The following RRAS2 variants were observed in gnomAD, a reference collection of about 807,000 sequenced individuals.
The protein encoded by RRAS2 is ras-related protein R-Ras2.
RRAS2 carries 7 observed loss-of-function variants against 27.6 expected under a neutral mutation model. The ratio of observed to expected loss-of-function variants is 0.25; its 90% CI spans 0.14 to 0.48. The LOEUF (loss-of-function observed/expected upper bound fraction) is 0.48, where lower values mean the gene tolerates loss of function less well. Ranked by LOEUF, RRAS2 falls within the 20% of genes least tolerant of loss-of-function variation. The pLI is 0.99. For missense variants in RRAS2, 178 were observed against 256.2 expected, an observed-to-expected ratio of 0.69 and a Z score of 2.08; for synonymous variants, 86 against 90.9, an observed-to-expected ratio of 0.95 and a Z score of 0.31.
intron 1 of RRAS2, among the ~76,000 whole-genome samples, chr11:14,323,633 T>C (rs1463370126): frequency 6.6e-6 from 1 of 152,072 alleles, no homozygotes; most frequent in African/African-American, 2.4e-5. Context: ...ATCACACAAA[T>C]TCTTCCAGAG....
chr11:14,315,321 A>T (rs1173486303), intron 1 of RRAS2, among the ~76,000 whole-genome samples: 2 of 152,140 alleles, frequency 1.3e-5, no homozygotes, highest in Admixed American at 1.3e-4. Context: ...ACGGTACTTC[A>T]CCTCTGTGGT....
intron 1 of RRAS2, among the ~76,000 whole-genome samples, chr11:14,317,727 T>TC (rs1303599246): frequency 6.6e-6 from 1 of 152,162 alleles, no homozygotes; most frequent in African/African-American, 2.4e-5. Context: ...TACTAGTTTT[T>TC]CCTCTTGATC....
At chr11:14,344,807 A>C (rs1848794099) in intron 1 of RRAS2, among the ~76,000 whole-genome samples, 1 of 152,188 alleles carries the variant, frequency 6.6e-6, no homozygotes, top group South Asian at 2.1e-4. Flanking sequence ...GCTACGGATC[A>C]ACTTCTAAAA....
intron 1 of RRAS2, among the ~76,000 whole-genome samples, chr11:14,349,832 T>C (rs1848913911): frequency 6.6e-6 from 1 of 152,240 alleles, no homozygotes; most frequent in African/African-American, 2.4e-5. Context: ...AAGTTACTCA[T>C]TTGAAATACG....
At chr11:14,305,969 C>T (rs1193293487) in intron 1 of RRAS2, among the ~76,000 whole-genome samples, 1 of 152,106 alleles carries the variant, frequency 6.6e-6, no homozygotes, top group African/African-American at 2.4e-5. Flanking sequence ...CACTTGAGCC[C>T]AGGAGTTAGA....
intron 1 of RRAS2, among the ~76,000 whole-genome samples, chr11:14,321,335 C>T (rs1418677050): frequency 6.6e-6 from 1 of 152,140 alleles, no homozygotes; most frequent in African/African-American, 2.4e-5. Context: ...GGTGGTGGGA[C>T]AGGGAAGGGA....
In RRAS2 at chr11:14,287,284, A is replaced by G. The variant is rs556938467; in HGVS notation, c.409-5564T>C. Among the ~76,000 whole-genome samples the G allele has an allele frequency of 1.9e-4, 29 of 152,348 alleles. No individual in the cohort carries two copies. The East Asian group carries it at 5.6e-3, about 29-fold the overall frequency. ...CTTTGTACATCCAAAGCTTAGAAGC[A>G]TGCTTAGCAGCTAAAAAAGTAAACA... On this transcript the variant is annotated intron_variant, in intron 4 of 5. Coordinates refer to ENST00000256196, the MANE Select transcript of RRAS2 (RefSeq NM_012250.6).
At chr11:14,303,561 A>AC (rs1175891306) in intron 1 of RRAS2, among the ~76,000 whole-genome samples, 17 of 151,790 alleles carry the variant, frequency 1.1e-4, no homozygotes, top group East Asian at 3.9e-4. Context: ...ACAGAGAGAG[A>AC]CCCCCATCTC....
chr11:14,315,136 T>C (rs1554949328), intron 1 of RRAS2, among the ~76,000 whole-genome samples: 1 of 152,228 alleles, frequency 6.6e-6, no homozygotes, highest in East Asian at 1.9e-4. Flanking sequence ...TCCGTAAGTG[T>C]GAGCTGCACA....
intron 1 of RRAS2, among the ~76,000 whole-genome samples, chr11:14,332,145 T>C (rs1245601769): frequency 6.6e-6 from 1 of 152,264 alleles, no homozygotes; most frequent in African/African-American, 2.4e-5. Flanking sequence ...CCACTTACCA[T>C]ACGACCCAAT....
At chr11:14,303,988 G>A (rs1847773046) in intron 1 of RRAS2, among the ~76,000 whole-genome samples, 1 of 152,030 alleles carries the variant, frequency 6.6e-6, no homozygotes, top group African/African-American at 2.4e-5. Flanking sequence ...CTTCCTCCTG[G>A]TTCATGTCAC....
intron 1 of RRAS2, chr11:14,337,018 C>G (rs967706379): frequency 6.6e-6 from 1 of 152,152 alleles, no homozygotes; most frequent in African/African-American, 2.4e-5. Flanking sequence ...AGAAAAACAG[C>G]AGATTTCTCA....
At chr11:14,295,579 T>A (rs558676104) in intron 2 of RRAS2, among the ~76,000 whole-genome samples, 189 bp downstream of exon 2, 1 of 152,348 alleles carries the variant, frequency 6.6e-6, no homozygotes, top group East Asian at 1.9e-4. Flanking sequence ...ATCGTTTTAC[T>A]TTTCATTTAT....
chr11:14,356,665 A>G, intron 1 of RRAS2: 2 of 410,628 alleles, frequency 4.9e-6, no homozygotes, highest in Non-Finnish European at 9.4e-6. Flanking sequence ...TTATGTACAC[A>G]TATGTCTTCC....
At chr11:14,348,997 G>A (rs1312377422) in intron 1 of RRAS2, among the ~76,000 whole-genome samples, 3 of 151,984 alleles carry the variant, frequency 2.0e-5, no homozygotes, top group Non-Finnish European at 2.9e-5. Context: ...ATAGAGTCTC[G>A]CTCTGTTGCC....
At chr11:14,283,698 G>C (rs1849598927) in intron 4 of RRAS2, among the ~76,000 whole-genome samples, 1 of 152,002 alleles carries the variant, frequency 6.6e-6, no homozygotes, top group Non-Finnish European at 1.5e-5. Context: ...TTGGCATAAA[G>C]TTGTTTATAG....
At chr11:14,345,058 G>A (rs966941952) in intron 1 of RRAS2, among the ~76,000 whole-genome samples, 6 of 138,950 alleles carry the variant, frequency 4.3e-5, no homozygotes, top group Admixed American at 8.2e-5. Flanking sequence ...TGTGATCTCA[G>A]CTCACTGCAA....
At chr11:14,324,181 A>G (rs1383975539) in intron 1 of RRAS2, among the ~76,000 whole-genome samples, 2 of 152,036 alleles carry the variant, frequency 1.3e-5, no homozygotes, top group African/African-American at 4.8e-5. Flanking sequence ...AATATACATA[A>G]TAATTATTGG....
chr11:14,344,197 T>A (rs1848781054), intron 1 of RRAS2, among the ~76,000 whole-genome samples: 1 of 152,130 alleles, frequency 6.6e-6, no homozygotes, highest in South Asian at 2.1e-4. Flanking sequence ...GGCATGGAAA[T>A]TCCATGCCAT....
Sources: allele counts gnomAD v4.1 joint callset (sites outside exome capture counted in the v4.1 genomes callset), GRCh38; gene constraint gnomAD v4.1.1; transcripts MANE v1.5; gene names NCBI Gene and HGNC (gene_info 2026-07-23, HGNC 2026-07-21).